FOXP2: variants seen among roughly 807,000 people sequenced by gnomAD.
FOXP2 encodes forkhead box P2.
FOXP2 carries 12 observed loss-of-function variants against 115.8 expected under a neutral mutation model. That is an observed-to-expected ratio of 0.10 (90% CI 0.07 to 0.17). The LOEUF is 0.17. FOXP2 is among the 10% of genes least tolerant of loss of function. FOXP2 has a pLI of 1.00. For missense variants in FOXP2, 629 were observed against 843.5 expected (o/e 0.75, Z 3.15); for synonymous variants, 328 against 297.7 (o/e 1.10, Z -1.05).
chr7:114,470,971 T>C (rs1173469592), intron 2 of FOXP2, among the ~76,000 whole-genome samples: 1 of 152,130 alleles, frequency 6.6e-6, no homozygotes, highest in African/African-American at 2.4e-5. Flanking sequence ...TTTTCAGGGA[T>C]GAGCTTAAGT....
intron 3 of FOXP2, among the ~76,000 whole-genome samples, chr7:114,538,067 GA>G (rs1562984699): frequency 6.6e-6 from 1 of 151,560 alleles, no homozygotes; most frequent in Non-Finnish European, 1.5e-5. Context: ...CCATAATGAG[GA>G]AAGTTAGCCA....
At chr7:114,207,874 GA>G (rs997890741) in intron 1 of FOXP2, among the ~76,000 whole-genome samples, 1 of 152,174 alleles carries the variant, frequency 6.6e-6, no homozygotes, top group African/African-American at 2.4e-5. Flanking sequence ...AAAAATAACT[GA>G]AAAGGCCAGA....
In FOXP2 at chr7:114,513,448, A is replaced by T. The variant is rs530524051; in HGVS notation, c.169-21169A>T. ...ATTAGAATCATTTGGAAAGCTTTTT[A>T]AAAAAATAGATATTCTTAGACCCCA... On this transcript the variant is annotated intron_variant, in intron 2 of 16. Coordinates refer to ENST00000350908, the MANE Select transcript of FOXP2 (RefSeq NM_014491.4). Among the ~76,000 whole-genome samples the T allele has an allele frequency of 4.7e-4, 71 of 152,162 alleles. No individual in the cohort carries two copies. The Middle Eastern group carries it at 0.01, about 22-fold the overall frequency.
chr7:114,379,548 A>G (rs1011100503), intron 2 of FOXP2, among the ~76,000 whole-genome samples: 2 of 152,086 alleles, frequency 1.3e-5, no homozygotes, highest in African/African-American at 2.4e-5. Flanking sequence ...TGCCTTCGAC[A>G]TCATTAACAT....
chr7:114,555,918 C>T (rs1328077386), intron 3 of FOXP2, among the ~76,000 whole-genome samples: 1 of 152,196 alleles, frequency 6.6e-6, no homozygotes, highest in Non-Finnish European at 1.5e-5. Context: ...AGGAATGACT[C>T]TGAATCTCTT....
chr7:114,677,833 C>T lies in FOXP2; in HGVS notation c.2004-11949C>T, dbSNP rs189875894. 1.1e-4 allele frequency among the ~76,000 whole-genome samples: 16 copies of T among 152,262 alleles called. No homozygotes were observed. In the East Asian group the frequency reaches 1.4e-3, roughly 13 times the overall value. On this transcript the variant is annotated intron_variant, in intron 16 of 16. Coordinates refer to ENST00000350908, the MANE Select transcript of FOXP2 (RefSeq NM_014491.4). ...TGCAATGTTTTCAAGTAGAGGCTTG[C>T]GAGGTTGAATGACCCATAGATGAGT... is the stretch of plus-strand genomic sequence containing the variant.
chr7:114,241,377 G>A (rs919022327), intron 1 of FOXP2, among the ~76,000 whole-genome samples: 3 of 152,034 alleles, frequency 2.0e-5, no homozygotes, highest in African/African-American at 7.2e-5. Flanking sequence ...TGCCTTCAAG[G>A]AGCCAAAATC....
At chr7:114,689,713 C>T (rs1808556059) in intron 16 of FOXP2, 69 bp from the exon 17 acceptor site, 3 of 1,568,132 alleles carry the variant, frequency 1.9e-6, no homozygotes, top group Admixed American at 1.7e-5. Flanking sequence ...GACCTCTTCA[C>T]TGCAAAGTTG....
At chr7:114,621,311 A>G (rs1804242097) in intron 3 of FOXP2, among the ~76,000 whole-genome samples, 1 of 152,044 alleles carries the variant, frequency 6.6e-6, no homozygotes, top group Non-Finnish European at 1.5e-5. Context: ...TTCTGAGGGT[A>G]GACAGATATG....
chr7:114,224,166 T>G (rs1794691729), intron 1 of FOXP2, among the ~76,000 whole-genome samples: 1 of 152,170 alleles, frequency 6.6e-6, no homozygotes, highest in Admixed American at 6.5e-5. Flanking sequence ...ATTGGTAAAT[T>G]AGTCCACCTT....
At chr7:114,277,527 A>G (rs1228665935) in intron 1 of FOXP2, among the ~76,000 whole-genome samples, 2 of 152,148 alleles carry the variant, frequency 1.3e-5, no homozygotes, top group African/African-American at 2.4e-5. Flanking sequence ...AGACCATTAA[A>G]AAAAACCAAA....
At chr7:114,591,084 T>A (rs1802415583) in intron 3 of FOXP2, among the ~76,000 whole-genome samples, 1 of 152,142 alleles carries the variant, frequency 6.6e-6, no homozygotes, top group Non-Finnish European at 1.5e-5. Context: ...GCCAAAGATA[T>A]CCTAAAAATA....
chr7:114,584,494 C>T (rs1199549356), intron 3 of FOXP2, among the ~76,000 whole-genome samples: 1 of 152,138 alleles, frequency 6.6e-6, no homozygotes, highest in African/African-American at 2.4e-5. Context: ...TTTACATTTC[C>T]TTATCTTTCT....
chr7:114,642,202 C>G (rs113067961), intron 6 of FOXP2, among the ~76,000 whole-genome samples: 1,534 of 152,124 alleles, frequency 0.01, 21 homozygotes, highest in African/African-American at 0.035. Context: ...ATACTATTCC[C>G]AAATTGGTAC....
intron 1 of FOXP2, among the ~76,000 whole-genome samples, chr7:114,157,210 A>C (rs1484376453): frequency 6.6e-6 from 1 of 152,148 alleles, no homozygotes; most frequent in Non-Finnish European, 1.5e-5. Context: ...TACATTCTCT[A>C]TTTTCAAATA....
Position 114,658,186 on chromosome 7 carries a change from G to C in FOXP2, c.1387G>C (p.Val463Leu). The change falls in exon 11 of 17, where the codon GTA becomes CTA. Residue 463 changes from valine to leucine, a missense_variant. This residue lies in a region of FOXP2 where 101 missense variants were observed against 116.0 expected (regional missense o/e 0.87). Coordinates refer to ENST00000350908, the MANE Select transcript of FOXP2 (RefSeq NM_014491.4). ...CACCCCGATTACCCAGGGACCCTCA[G>C]TAATCACCCCAGCCAGTGTGCCCAA... ...PVTPITQGPS[V>L]ITPASVPNVG... The C allele has an allele frequency of 6.2e-7, 1 of 1,613,748 alleles. No individual in the cohort carries two copies. Among genetic ancestry groups the C allele is most frequent in the African/African-American group, 1.3e-5 (1 of 74,980 alleles).
intron 2 of FOXP2, among the ~76,000 whole-genome samples, chr7:114,506,896 A>C (rs1584822188): frequency 1.3e-5 from 2 of 151,750 alleles, no homozygotes; most frequent in Admixed American, 6.6e-5. Flanking sequence ...AGCTATATTT[A>C]TTGTGGGCTA....
At chr7:114,564,412 G>A (rs1398659255) in intron 3 of FOXP2, among the ~76,000 whole-genome samples, 1 of 152,068 alleles carries the variant, frequency 6.6e-6, no homozygotes, top group Non-Finnish European at 1.5e-5. Context: ...TAGAATTCAG[G>A]AGGTTTATGA....
chr7:114,491,735 C>T (rs978663187), intron 2 of FOXP2, among the ~76,000 whole-genome samples: 1 of 152,144 alleles, frequency 6.6e-6, no homozygotes. Flanking sequence ...GTATGTTGAA[C>T]CAGCCTTGCA....
Sources: allele counts gnomAD v4.1 joint callset (sites outside exome capture counted in the v4.1 genomes callset), GRCh38; gene constraint gnomAD v4.1.1; regional missense constraint gnomAD v4.1.1; transcripts MANE v1.5; gene names NCBI Gene and HGNC (gene_info 2026-07-23, HGNC 2026-07-21).